Variants in ADGRL3 observed in about 807,000 individuals in gnomAD.
ADGRL3 encodes the protein adhesion G protein-coupled receptor L3.
Under a neutral mutation model 153.5 loss-of-function variants are expected in ADGRL3, and 62 were observed. The ratio of observed to expected loss-of-function variants is 0.40; its 90% CI spans 0.33 to 0.50. The LOEUF is 0.50. ADGRL3 is among the 20% of genes least tolerant of loss of function. The pLI is 0.47. For missense variants in ADGRL3, 1,641 were observed against 1,859.4 expected (o/e 0.88, Z 2.16); for synonymous variants, 710 against 672.5 (o/e 1.06, Z -0.86).
intron 21 of ADGRL3, among the ~76,000 whole-genome samples, chr4:62,019,068 G>T (rs759270353): frequency 2.0e-5 from 3 of 152,006 alleles, no homozygotes; most frequent in East Asian, 1.9e-4. Flanking sequence ...TAATCAAAAT[G>T]GTTCTATGAT....
Position 61,548,801 on chromosome 4 carries a change from T to C in ADGRL3, c.259+31283T>C, listed in dbSNP as rs573575834. On this transcript the variant is annotated intron_variant, in intron 4 of 26. Transcript: ENST00000683033. ...TATGAATTTAGGATTGCCTTGGCTA[T>C]TTGAGCTATTTTTTGGTTCCATGTG... Among the ~76,000 whole-genome samples, 5 of 152,052 alleles carry C rather than the reference T, an allele frequency of 3.3e-5. No homozygotes were observed. The South Asian group carries it at 1.0e-3, about 32-fold the overall frequency.
intron 1 of ADGRL3, among the ~76,000 whole-genome samples, chr4:61,352,210 T>A (rs1488533714): frequency 2.6e-5 from 4 of 152,142 alleles, no homozygotes; most frequent in African/African-American, 9.7e-5. Flanking sequence ...AGAATTAGAA[T>A]TACCAATGGA....
At chr4:61,521,082 C>T (rs2098528213) in intron 4 of ADGRL3, among the ~76,000 whole-genome samples, 1 of 152,112 alleles carries the variant, frequency 6.6e-6, no homozygotes, top group African/African-American at 2.4e-5. Context: ...CACACAGTAG[C>T]AACTGTGTAA....
Position 62,074,838 on chromosome 4 carries a change from CTTAAT to C in ADGRL3, c.*3932_*3936del, listed in dbSNP as rs1410796409. 1 of 151,882 alleles carries C rather than the reference CTTAAT, an allele frequency of 6.6e-6. No homozygotes were observed. The highest frequency in any genetic ancestry group is 1.5e-5 in the Non-Finnish European group (1 of 67,952). 9.4% of individuals were successfully genotyped at this position (151,882 alleles called of 1,614,324 possible). ...GGTTTAAGATTCTTATTAGTATTAACTTAATTGGTATGACAAAACTTTTCATAATA... is the reference window on the plus strand; with the variant it reads ...GGTTTAAGATTCTTATTAGTATTAACTGGTATGACAAAACTTTTCATAATA... On this transcript the variant is annotated 3_prime_UTR_variant, in exon 27 of 27. Transcript: ENST00000683033.
chr4:61,564,694 A>T (rs1401450707), intron 4 of ADGRL3, among the ~76,000 whole-genome samples: 1 of 152,158 alleles, frequency 6.6e-6, no homozygotes, highest in Non-Finnish European at 1.5e-5. Context: ...TCAGCTTTTG[A>T]TATGCCTTCC....
intron 2 of ADGRL3, among the ~76,000 whole-genome samples, chr4:61,482,534 A>G (rs141406470): frequency 6.6e-6 from 1 of 152,242 alleles, no homozygotes; most frequent in East Asian, 1.9e-4. Context: ...CTTGTGAATC[A>G]CCACTCTTCC....
At chr4:61,420,430 G>A (rs1466178976) in intron 2 of ADGRL3, 10 of 112,608 alleles carry the variant, frequency 8.9e-5, no homozygotes, top group African/African-American at 1.8e-4. Context: ...TTTTTGAGGC[G>A]GAGTCTCACT....
At chr4:61,545,183 G>A (rs188393599) in intron 4 of ADGRL3, among the ~76,000 whole-genome samples, 48 of 152,240 alleles carry the variant, frequency 3.2e-4, no homozygotes, top group African/African-American at 8.2e-4. Flanking sequence ...CATATCATAA[G>A]TTGTAATTAA....
intron 6 of ADGRL3, among the ~76,000 whole-genome samples, chr4:61,722,286 T>C (rs1296378122): frequency 1.3e-5 from 2 of 152,230 alleles, no homozygotes; most frequent in Admixed American, 1.3e-4. Flanking sequence ...AACTATTGTC[T>C]CTACCAGAGC....
intron 2 of ADGRL3, among the ~76,000 whole-genome samples, chr4:61,490,686 C>A: frequency 8.8e-6 from 1 of 113,396 alleles, no homozygotes; most frequent in Non-Finnish European, 1.9e-5. Context: ...GTTATTTGAC[C>A]CCCTCAATAT....
intron 5 of ADGRL3, among the ~76,000 whole-genome samples, chr4:61,646,539 T>G (rs904853287): frequency 3.3e-5 from 5 of 150,756 alleles, no homozygotes; most frequent in African/African-American, 1.2e-4. Flanking sequence ...CTGGGCCCTG[T>G]GAGGTGTCAG....
intron 2 of ADGRL3, among the ~76,000 whole-genome samples, chr4:61,449,956 A>C (rs2097653733): frequency 6.6e-6 from 1 of 152,204 alleles, no homozygotes; most frequent in Non-Finnish European, 1.5e-5. Context: ...TGGAAACTAT[A>C]ATGTGATATT....
chr4:61,925,512 C>T (rs1408037542), intron 13 of ADGRL3, among the ~76,000 whole-genome samples: 1 of 152,144 alleles, frequency 6.6e-6, no homozygotes, highest in Non-Finnish European at 1.5e-5. Flanking sequence ...GCTCATGATT[C>T]TGCAGGCTCT....
chr4:61,339,243 G>A (rs1382222612), intron 1 of ADGRL3, among the ~76,000 whole-genome samples: 10 of 152,186 alleles, frequency 6.6e-5, no homozygotes, highest in East Asian at 1.9e-4. Context: ...GAACAACCCC[G>A]TAACACAATG....
chr4:61,807,742 G>A (rs549577697), intron 8 of ADGRL3, among the ~76,000 whole-genome samples: 2 of 152,206 alleles, frequency 1.3e-5, no homozygotes, highest in Admixed American at 6.5e-5. Flanking sequence ...TTTTAGAGAT[G>A]CATTCTCGAA....
intron 9 of ADGRL3, among the ~76,000 whole-genome samples, chr4:61,861,284 T>C (rs1426325843): frequency 1.3e-5 from 2 of 152,304 alleles, no homozygotes; most frequent in East Asian, 1.9e-4. Flanking sequence ...GGGATAATAA[T>C]TGCACAGGGT....
At chr4:61,745,936 C>G (rs1400494175) in intron 8 of ADGRL3, among the ~76,000 whole-genome samples, 3 of 152,166 alleles carry the variant, frequency 2.0e-5, no homozygotes, top group Non-Finnish European at 2.9e-5. Flanking sequence ...AGAGTCAAGA[C>G]CCATCAGTGT....
chr4:61,311,073 C>G (rs2094984649), intron 1 of ADGRL3, among the ~76,000 whole-genome samples: 2 of 152,032 alleles, frequency 1.3e-5, no homozygotes, highest in Admixed American at 1.3e-4. Context: ...GTTTTCTGAG[C>G]TCCTCATCCT....
At chr4:61,475,593 A>C (rs1461514674) in intron 2 of ADGRL3, among the ~76,000 whole-genome samples, 4 of 152,244 alleles carry the variant, frequency 2.6e-5, no homozygotes, top group Middle Eastern at 3.4e-3. Flanking sequence ...CCCAGTGTAG[A>C]TCTTGATTAA....
Sources: gnomAD v4.1 joint callset for allele counts (sites outside exome capture counted in the v4.1 genomes callset) on GRCh38, gnomAD v4.1.1 for gene constraint, MANE v1.5 for transcripts, NCBI Gene and HGNC (gene_info 2026-07-23, HGNC 2026-07-21) for gene names.